BMPR1B: variants seen among roughly 807,000 people sequenced by gnomAD.
BMPR1B encodes the protein bone morphogenetic protein receptor type 1B, also known as bone morphogenetic protein receptor type-1B.
Under a neutral mutation model 59.1 loss-of-function variants are expected in BMPR1B, and 12 were observed. That is an observed-to-expected ratio of 0.20 (90% CI 0.13 to 0.33). The LOEUF (loss-of-function observed/expected upper bound fraction) is 0.33, where lower values mean the gene tolerates loss of function less well. Ranked by LOEUF, BMPR1B falls within the 10% of genes least tolerant of loss-of-function variation. BMPR1B has a pLI of 1.00. For missense variants in BMPR1B, 550 were observed against 610.9 expected (o/e 0.90, Z 1.05); for synonymous variants, 237 against 207.3 (o/e 1.14, Z -1.23).
chr4:95,154,710 ACAGGTAC>A lies in BMPR1B; in HGVS notation c.*38_*44del. On this transcript the variant is annotated 3_prime_UTR_variant, in exon 13 of 13. Coordinates refer to ENST00000515059, the MANE Select transcript of BMPR1B (RefSeq NM_001203.3). ...AAGTAAGCATCTCTGCAGAAAGCCAACAGGTACTCTTCTGTTTGTGGGCAGAGCAAAA... is the reference window on the plus strand; with the variant it reads ...AAGTAAGCATCTCTGCAGAAAGCCAATCTTCTGTTTGTGGGCAGAGCAAAA... 1 of 1,612,410 alleles carries A rather than the reference ACAGGTAC, an allele frequency of 6.2e-7. No individual in the cohort carries two copies. The highest frequency in any genetic ancestry group is 1.3e-5 in the African/African-American group (1 of 74,990).
At chr4:95,036,424 G>A (rs569003235) in intron 3 of BMPR1B, among the ~76,000 whole-genome samples, 8 of 152,020 alleles carry the variant, frequency 5.3e-5, no homozygotes, top group Non-Finnish European at 8.8e-5. Flanking sequence ...GAAGTTCATC[G>A]TTTTAGTTTT....
chr4:94,948,516 C>T (rs1185449198), intron 2 of BMPR1B, among the ~76,000 whole-genome samples: 1 of 152,060 alleles, frequency 6.6e-6, no homozygotes, highest in East Asian at 1.9e-4. Flanking sequence ...GTATCTAATC[C>T]ACCTCATTTG....
intron 3 of BMPR1B, among the ~76,000 whole-genome samples, chr4:95,075,348 T>G (rs920212913): frequency 3.3e-5 from 5 of 152,196 alleles, no homozygotes; most frequent in African/African-American, 9.6e-5. Context: ...CTTATGATTT[T>G]TAGGCAGTTA....
At chr4:94,957,908 G>A (rs6838877) in intron 2 of BMPR1B, among the ~76,000 whole-genome samples, 6,516 of 152,102 alleles carry the variant, frequency 0.043, 349 homozygotes, top group African/African-American at 0.12. Context: ...AATAAGAAGC[G>A]TAGATGGAAT....
chr4:95,111,000 A>G (rs958131113), intron 4 of BMPR1B, among the ~76,000 whole-genome samples: 4 of 152,200 alleles, frequency 2.6e-5, no homozygotes, highest in Non-Finnish European at 4.4e-5. Flanking sequence ...GATATTTTAG[A>G]AGAAAAGATG....
intron 1 of BMPR1B, among the ~76,000 whole-genome samples, chr4:94,828,951 A>C (rs945506989): frequency 3.3e-5 from 5 of 152,054 alleles, no homozygotes; most frequent in African/African-American, 9.7e-5. Flanking sequence ...TTAGGTGTCA[A>C]GTTTTTATGC....
At chr4:95,148,056 A>T (rs1328332312) in intron 10 of BMPR1B, among the ~76,000 whole-genome samples, 7 of 152,220 alleles carry the variant, frequency 4.6e-5, no homozygotes, top group Non-Finnish European at 1.0e-4. Flanking sequence ...AAAAAAAGTT[A>T]AATGCTATTT....
chr4:95,046,877 CTT>C, intron 3 of BMPR1B, among the ~76,000 whole-genome samples: 1 of 152,242 alleles, frequency 6.6e-6, no homozygotes, highest in South Asian at 2.1e-4. Flanking sequence ...GATATTTCTT[CTT>C]GTAGGTAAAG....
intron 3 of BMPR1B, among the ~76,000 whole-genome samples, chr4:94,997,285 G>C (rs780163726): frequency 1.3e-5 from 2 of 152,172 alleles, no homozygotes; most frequent in Non-Finnish European, 2.9e-5. Context: ...TGCTGCTGTA[G>C]AGCTGAAACT....
intron 2 of BMPR1B, among the ~76,000 whole-genome samples, chr4:94,966,744 T>A (rs1453134780): frequency 6.6e-6 from 1 of 152,164 alleles, no homozygotes; most frequent in Non-Finnish European, 1.5e-5. Flanking sequence ...TGCCTGAAAT[T>A]TTTTTTTCAT....
At chr4:94,836,329 G>A (rs1012085496) in intron 1 of BMPR1B, among the ~76,000 whole-genome samples, 78 of 150,386 alleles carry the variant, frequency 5.2e-4, no homozygotes, top group African/African-American at 1.8e-3. Context: ...CTGAGGAATC[G>A]CCACACTGAC....
chr4:95,112,248 T>A (rs1217335690), intron 4 of BMPR1B, among the ~76,000 whole-genome samples: 1 of 152,096 alleles, frequency 6.6e-6, no homozygotes, highest in East Asian at 1.9e-4. Context: ...CTCATCTTTT[T>A]ATCACTTCCA....
intron 1 of BMPR1B, among the ~76,000 whole-genome samples, chr4:94,786,745 C>T (rs62316519): frequency 0.15 from 22,681 of 151,904 alleles, 1,803 homozygotes; most frequent in Non-Finnish European, 0.17. Flanking sequence ...GGGGCTTCAC[C>T]GTGTTAGCCA....
In BMPR1B at chr4:95,154,636, T is replaced by A; in HGVS notation, c.1472T>A (p.Leu491His). 6.2e-7 allele frequency: 1 copy of A among 1,614,082 alleles called. No individual in the cohort carries two copies. Among genetic ancestry groups the A allele is most frequent in the Non-Finnish European group, 8.5e-7 (1 of 1,179,978 alleles). ...RLTALRVKKT[L>H]AKMSESQDIK... is the part of the protein sequence containing the mutation. ...ACAGCCCTGCGGGTTAAGAAAACAC[T>A]TGCCAAAATGTCAGAGTCCCAGGAC... Residue 491 changes from leucine to histidine, a missense_variant, in exon 13 of 13, where the codon CTT (leucine) becomes CAT (histidine). Leu to His is a moderately conservative substitution (Grantham distance 99). Around this residue, in one of 6 missense-constraint regions of BMPR1B, gnomAD observed 123 missense variants for 164.6 expected, o/e 0.75. Transcript: ENST00000515059.
chr4:95,080,702 C>A (rs2149234000), intron 3 of BMPR1B, among the ~76,000 whole-genome samples: 1 of 152,180 alleles, frequency 6.6e-6, no homozygotes, highest in Non-Finnish European at 1.5e-5. Context: ...AAGCAGGAAC[C>A]AAACTATATG....
At chr4:95,055,687 T>C (rs1275021035) in intron 3 of BMPR1B, among the ~76,000 whole-genome samples, 1 of 152,208 alleles carries the variant, frequency 6.6e-6, no homozygotes, top group Non-Finnish European at 1.5e-5. Flanking sequence ...GCTCATTAGA[T>C]TGGATAGTAA....
At chr4:94,983,921 T>C (rs763110539) in intron 2 of BMPR1B, among the ~76,000 whole-genome samples, 1 of 152,220 alleles carries the variant, frequency 6.6e-6, no homozygotes, top group African/African-American at 2.4e-5. Flanking sequence ...CCATAACAGG[T>C]ACTAAGCAAG....
At chr4:94,932,796 G>A (rs1729146306) in intron 2 of BMPR1B, among the ~76,000 whole-genome samples, 2 of 152,136 alleles carry the variant, frequency 1.3e-5, no homozygotes, top group South Asian at 2.1e-4. Flanking sequence ...GAAAGATAGT[G>A]TTGGAGGGTA....
chr4:94,985,527 G>GTGTGTGTGTT (rs1553924107), intron 2 of BMPR1B, among the ~76,000 whole-genome samples: 5 of 139,052 alleles, frequency 3.6e-5, no homozygotes, highest in Non-Finnish European at 8.1e-5. Context: ...GTGTGTGTGT[G>GTGTGTGTGTT]TGTGTGTGTG....
Sources: allele counts gnomAD v4.1 joint callset (sites outside exome capture counted in the v4.1 genomes callset), GRCh38; gene constraint gnomAD v4.1.1; regional missense constraint gnomAD v4.1.1; transcripts MANE v1.5; gene names NCBI Gene and HGNC (gene_info 2026-07-23, HGNC 2026-07-21).